CNTN5: variants seen among roughly 807,000 people sequenced by gnomAD.
CNTN5 encodes the protein contactin-5.
In CNTN5, 77 loss-of-function variants were observed where a neutral mutation model predicts 129.1. The observed-to-expected ratio is 0.60, with a 90% CI of 0.50 to 0.72. The LOEUF is 0.72. Among genes scored for constraint, CNTN5 ranks in the 30% least tolerant of loss-of-function variants. The pLI, the probability that CNTN5 is intolerant of heterozygous loss-of-function variation, is 0.00. For synonymous variants in CNTN5, 509 were observed against 465.6 expected, an observed-to-expected ratio of 1.09 and a Z score of -1.20; for missense variants, 1,478 against 1,328.8, an observed-to-expected ratio of 1.11 and a Z score of -1.75.
At chr11:99,395,025 A>G (rs1453421182) in intron 2 of CNTN5, among the ~76,000 whole-genome samples, 1 of 151,924 alleles carries the variant, frequency 6.6e-6, no homozygotes, top group Non-Finnish European at 1.5e-5. Context: ...ACTTTATAAT[A>G]GAACGATTTA....
chr11:100,178,655 A>T lies in CNTN5; in HGVS notation c.1581-12471A>T, dbSNP rs1948040856. On this transcript the variant is annotated intron_variant, in intron 13 of 24. Coordinates refer to ENST00000524871, the MANE Select transcript of CNTN5 (RefSeq NM_014361.4). ...GTTTTTCTTCCACACACATAGTAAG[A>T]TTGTGTTTCCTTGCTGTTCTGAGGT... 2.6e-5 allele frequency among the ~76,000 whole-genome samples: 4 copies of T among 152,276 alleles called. No individual in the cohort carries two copies. The South Asian group carries it at 8.3e-4, about 32-fold the overall frequency.
chr11:99,301,818 C>A (rs187322613), intron 1 of CNTN5, among the ~76,000 whole-genome samples: 1 of 151,490 alleles, frequency 6.6e-6, no homozygotes, highest in South Asian at 2.1e-4. Flanking sequence ...CTAGATAGAC[C>A]GTAAGTTAGG....
intron 3 of CNTN5, among the ~76,000 whole-genome samples, chr11:99,609,269 T>C (rs1380206053): frequency 6.6e-6 from 1 of 152,134 alleles, no homozygotes; most frequent in Non-Finnish European, 1.5e-5. Context: ...TAAACAAGGA[T>C]ATATAGACCC....
At chr11:99,499,315 G>T (rs768126994) in intron 2 of CNTN5, among the ~76,000 whole-genome samples, 5 of 152,080 alleles carry the variant, frequency 3.3e-5, no homozygotes, top group African/African-American at 9.7e-5. Flanking sequence ...GTATGTAGAC[G>T]TGAGGATTTA....
At chr11:100,224,405 T>C (rs1472571975) in intron 15 of CNTN5, among the ~76,000 whole-genome samples, 4 of 152,200 alleles carry the variant, frequency 2.6e-5, no homozygotes, top group Non-Finnish European at 5.9e-5. Flanking sequence ...TTATTTCTCC[T>C]ATACTTTTAA....
chr11:99,947,361 A>G, intron 7 of CNTN5, among the ~76,000 whole-genome samples: 1 of 150,824 alleles, frequency 6.6e-6, no homozygotes, highest in East Asian at 1.9e-4. Context: ...TTTTTTTTTA[A>G]ACAGGTGAGC....
intron 1 of CNTN5, among the ~76,000 whole-genome samples, chr11:99,081,074 A>T (rs375397620): frequency 1.1e-4 from 17 of 151,260 alleles, no homozygotes; most frequent in African/African-American, 3.9e-4. Context: ...TTCCAAATGC[A>T]TATGCAGCCC....
intron 18 of CNTN5, among the ~76,000 whole-genome samples, chr11:100,279,059 G>T (rs983612697): frequency 6.6e-6 from 1 of 151,884 alleles, no homozygotes; most frequent in African/African-American, 2.4e-5. Context: ...AATTGAAATG[G>T]TCATAGGTGT....
intron 13 of CNTN5, among the ~76,000 whole-genome samples, chr11:100,140,063 G>C (rs1238718000): frequency 6.6e-6 from 1 of 152,136 alleles, no homozygotes; most frequent in South Asian, 2.1e-4. Flanking sequence ...AGAGGAAGTA[G>C]AGTAGAAACA....
intron 1 of CNTN5, among the ~76,000 whole-genome samples, chr11:99,077,760 T>C (rs1865635350): frequency 6.6e-6 from 1 of 152,160 alleles, no homozygotes; most frequent in South Asian, 2.1e-4. Flanking sequence ...GGAGATCTGA[T>C]GGTTTATAAG....
At chr11:99,364,562 C>T (rs1047368968) in intron 2 of CNTN5, among the ~76,000 whole-genome samples, 3 of 151,982 alleles carry the variant, frequency 2.0e-5, no homozygotes, top group Non-Finnish European at 4.4e-5. Flanking sequence ...CCATTTAGTT[C>T]ACAGAACAAG....
At chr11:99,130,884 G>A (rs1003784411) in intron 1 of CNTN5, among the ~76,000 whole-genome samples, 6 of 152,012 alleles carry the variant, frequency 3.9e-5, no homozygotes, top group African/African-American at 1.4e-4. Flanking sequence ...TGAAATTAAG[G>A]CAGAAATCAA....
At chr11:99,270,414 C>G (rs975512483) in intron 1 of CNTN5, among the ~76,000 whole-genome samples, 8 of 151,954 alleles carry the variant, frequency 5.3e-5, no homozygotes, top group African/African-American at 1.9e-4. Flanking sequence ...CCAGCACCTT[C>G]TTAACCTTCT....
At chr11:99,122,015 G>A (rs1256400832) in intron 1 of CNTN5, among the ~76,000 whole-genome samples, 1 of 151,432 alleles carries the variant, frequency 6.6e-6, no homozygotes, top group Non-Finnish European at 1.5e-5. Flanking sequence ...TTAAGTTCTA[G>A]GGTATGTATG....
chr11:100,115,640 T>A (rs192679596), intron 13 of CNTN5, among the ~76,000 whole-genome samples: 1 of 152,114 alleles, frequency 6.6e-6, no homozygotes, highest in South Asian at 2.1e-4. Context: ...ACCTGTAAGA[T>A]GAGACCATAT....
chr11:100,033,848 T>C lies in CNTN5; in HGVS notation c.981-27364T>C, dbSNP rs78542393. Among the ~76,000 whole-genome samples the C allele has an allele frequency of 5.0e-4, 76 of 152,336 alleles. 1 individual carries two copies. Among genetic ancestry groups the C allele is most frequent in the African/African-American group, 1.8e-3 (76 of 41,578 alleles). On this transcript the variant is annotated intron_variant, in intron 9 of 24. Coordinates refer to ENST00000524871, the MANE Select transcript of CNTN5 (RefSeq NM_014361.4). Reference sequence around the variant, plus strand: ...TCCTGCTCCCACAGGCAAGGTCAGATGCTACTTTCCAGAGATAATTGAAAG... The same window carrying C: ...TCCTGCTCCCACAGGCAAGGTCAGACGCTACTTTCCAGAGATAATTGAAAG...
chr11:99,330,359 C>T (rs1246395791), intron 2 of CNTN5, among the ~76,000 whole-genome samples: 2 of 151,782 alleles, frequency 1.3e-5, no homozygotes, highest in Admixed American at 6.6e-5. Flanking sequence ...TTCTCGGGCT[C>T]TTGTGGGATA....
At chr11:100,027,574 T>C (rs1042559692) in intron 9 of CNTN5, among the ~76,000 whole-genome samples, 1 of 152,230 alleles carries the variant, frequency 6.6e-6, no homozygotes, top group African/African-American at 2.4e-5. Flanking sequence ...TTTTTCCATA[T>C]GGATGCACTA....
intron 1 of CNTN5, among the ~76,000 whole-genome samples, chr11:99,089,090 A>G (rs1342951106): frequency 6.6e-6 from 1 of 152,172 alleles, no homozygotes; most frequent in Non-Finnish European, 1.5e-5. Flanking sequence ...GTGTATAAAT[A>G]CCAGTTCACA....
Sources: allele counts gnomAD v4.1 joint callset (sites outside exome capture counted in the v4.1 genomes callset), GRCh38; gene constraint gnomAD v4.1.1; transcripts MANE v1.5; gene names NCBI Gene and HGNC (gene_info 2026-07-23, HGNC 2026-07-21).